UBE2R2: variants seen among roughly 807,000 people sequenced by gnomAD.
UBE2R2 encodes ubiquitin-conjugating enzyme E2 R2.
UBE2R2 carries 1 observed loss-of-function variant against 27.8 expected under a neutral mutation model. That is an observed-to-expected ratio of 0.04 (90% CI 0.01 to 0.17). UBE2R2 has a LOEUF of 0.17. Ranked by LOEUF, UBE2R2 falls within the 10% of genes least tolerant of loss-of-function variation. UBE2R2 has a pLI of 1.00. For missense variants in UBE2R2, 100 were observed against 291.0 expected (o/e 0.34, Z 4.78); for synonymous variants, 106 against 113.3 (o/e 0.94, Z 0.41).
intron 1 of UBE2R2, among the ~76,000 whole-genome samples, chr9:33,851,333 T>C (rs2130753709): frequency 6.6e-6 from 1 of 152,322 alleles, no homozygotes; most frequent in Middle Eastern, 3.4e-3. Flanking sequence ...ATAATTATTA[T>C]CAACAATTAT....
intron 4 of UBE2R2, among the ~76,000 whole-genome samples, chr9:33,913,823 G>C (rs1822562009): frequency 6.6e-6 from 1 of 152,150 alleles, no homozygotes; most frequent in South Asian, 2.1e-4. Flanking sequence ...CTAAACAATA[G>C]CTGTCTTTTA....
At chr9:33,879,750 CTTTT>C (rs66929161) in intron 1 of UBE2R2, among the ~76,000 whole-genome samples, 6 of 67,374 alleles carry the variant, frequency 8.9e-5, no homozygotes, top group African/African-American at 1.7e-4. Flanking sequence ...GGTCACAAGA[CTTTT>C]TTTTTTTTTT....
intron 2 of UBE2R2, among the ~76,000 whole-genome samples, chr9:33,894,264 C>T (rs1261399862): frequency 6.6e-6 from 1 of 151,884 alleles, no homozygotes; most frequent in Non-Finnish European, 1.5e-5. Flanking sequence ...AGATCCCCAT[C>T]TCTATATTTA....
intron 1 of UBE2R2, among the ~76,000 whole-genome samples, chr9:33,826,915 T>C (rs1820326957): frequency 6.6e-6 from 1 of 151,950 alleles, no homozygotes. Flanking sequence ...AAACCCCACA[T>C]CTACTGAAAA....
upstream of UBE2R2, among the ~76,000 whole-genome samples, chr9:33,816,070 T>A (rs1408384883): frequency 1.3e-5 from 2 of 152,080 alleles, no homozygotes; most frequent in African/African-American, 4.8e-5. Context: ...CAAGACCCTG[T>A]CTCAAACAAA....
rs749987839 is a variant in UBE2R2 at position 33,897,024 on chromosome 9, A to ATTTT, written c.265-3123_265-3120dup. 6.1e-3 allele frequency among the ~76,000 whole-genome samples: 249 copies of ATTTT among 40,656 alleles called. 84 individuals are homozygous for ATTTT. The highest frequency in any genetic ancestry group is 0.02 in the East Asian group (21 of 1,040). The allele number at this position is 40,656 out of a possible 152,430, so 26.7% of individuals were successfully genotyped here. On this transcript the variant is annotated intron_variant, in intron 2 of 4. Coordinates refer to ENST00000263228, the MANE Select transcript of UBE2R2 (RefSeq NM_017811.4). ...CCAAGTAGCATACTTCTGTGGCCTA[A>ATTTT]TTTTTTTTTTTTTTTTTTTTTTTTT...
intron 3 of UBE2R2, among the ~76,000 whole-genome samples, chr9:33,904,630 C>G (rs900098772): frequency 6.6e-6 from 1 of 152,198 alleles, no homozygotes; most frequent in African/African-American, 2.4e-5. Context: ...ATTATCAGAT[C>G]TGGTGAGTAG....
intron 1 of UBE2R2, among the ~76,000 whole-genome samples, chr9:33,873,950 ATT>A (rs11321860): frequency 0.024 from 3,496 of 143,986 alleles, 85 homozygotes; most frequent in East Asian, 0.09. Flanking sequence ...CCTGGCCTAA[ATT>A]TTTTTTTTTT....
In UBE2R2 at chr9:33,909,403, G is replaced by A. The variant is rs776649174; in HGVS notation, c.363-2561G>A. 5.3e-5 allele frequency among the ~76,000 whole-genome samples: 8 copies of A among 152,140 alleles called. No homozygotes were observed. The South Asian group carries it at 6.2e-4, about 12-fold the overall frequency. ...CTTGGGAGGCTGAGGCAGGGAAATC[G>A]CTTGAACCCGGGAGGCGGAGGTTGC... On this transcript the variant is annotated intron_variant, in intron 3 of 4. Coordinates refer to ENST00000263228, the MANE Select transcript of UBE2R2 (RefSeq NM_017811.4).
intron 3 of UBE2R2, among the ~76,000 whole-genome samples, chr9:33,900,673 T>C (rs1239379257): frequency 6.6e-6 from 1 of 152,136 alleles, no homozygotes; most frequent in Admixed American, 6.6e-5. Context: ...CTGTCGTTGT[T>C]TTGCTCCAAA....
At chr9:33,822,839 T>G (rs1013860925) in intron 1 of UBE2R2, among the ~76,000 whole-genome samples, 7 of 152,030 alleles carry the variant, frequency 4.6e-5, no homozygotes, top group Admixed American at 3.3e-4. Flanking sequence ...CAAACCAGAC[T>G]TAGCCTAGAT....
At chr9:33,903,199 A>G (rs946232057) in intron 3 of UBE2R2, among the ~76,000 whole-genome samples, 16 of 152,206 alleles carry the variant, frequency 1.1e-4, no homozygotes, top group African/African-American at 3.1e-4. Context: ...TTATTTTGAC[A>G]TTATAATTAG....
intron 2 of UBE2R2, among the ~76,000 whole-genome samples, chr9:33,895,386 C>G (rs765346196): frequency 9.2e-5 from 14 of 152,106 alleles, no homozygotes; most frequent in Admixed American, 7.9e-4. Flanking sequence ...TCTGGACTCT[C>G]AATTGTAAAT....
intron 1 of UBE2R2, among the ~76,000 whole-genome samples, chr9:33,861,682 G>A (rs1000321428): frequency 3.3e-5 from 5 of 151,848 alleles, no homozygotes; most frequent in Non-Finnish European, 7.4e-5. Flanking sequence ...AATTTTAAAG[G>A]GTTTATTTTG....
rs1563982130 is a variant in UBE2R2, at chr9:33,831,940, C to CACAACACCCAGCG, written c.177+14006_177+14007insACAACACCCAGCG. On this transcript the variant is annotated intron_variant, in intron 1 of 4. Transcript: ENST00000263228. ...CCTCCCAAAGTGCTGGGATTACTGG[C>CACAACACCCAGCG]GTGTGCCACCGCGCCCGACCTGTGA... 9.1e-3 allele frequency among the ~76,000 whole-genome samples: 1,380 copies of CACAACACCCAGCG among 151,878 alleles called. 22 individuals carry two copies. The highest frequency in any genetic ancestry group is 0.031 in the African/African-American group (1,298 of 41,476).
chr9:33,843,736 G>C (rs1820781257), intron 1 of UBE2R2, among the ~76,000 whole-genome samples: 1 of 151,758 alleles, frequency 6.6e-6, no homozygotes, highest in Non-Finnish European at 1.5e-5. Context: ...TGGCCTCTCA[G>C]AGTGCTGGGA....
intron 2 of UBE2R2, among the ~76,000 whole-genome samples, chr9:33,899,385 G>GT (rs974723514): frequency 1.9e-4 from 28 of 147,840 alleles, no homozygotes; most frequent in Admixed American, 1.3e-3. Flanking sequence ...TTTTGTTTTT[G>GT]TTTTTTTGAG....
chr9:33,817,231 C>T lies in UBE2R2; in HGVS notation c.-527C>T, dbSNP rs1203713198. On this transcript the variant is annotated 5_prime_UTR_variant, in exon 1 of 5. Transcript: ENST00000263228. ...CTCCTCCTCCGCCGTCGCCCCTCCCCCCGCGCAGCCCCCGCCGCCACCGCC... is the reference window on the plus strand; with the variant it reads ...CTCCTCCTCCGCCGTCGCCCCTCCCTCCGCGCAGCCCCCGCCGCCACCGCC... Among the ~76,000 whole-genome samples the T allele has an allele frequency of 6.7e-6, 1 of 150,166 alleles. No individual in the cohort carries two copies. Among genetic ancestry groups the T allele is most frequent in the Non-Finnish European group, 1.5e-5 (1 of 67,174 alleles).
intron 1 of UBE2R2, among the ~76,000 whole-genome samples, chr9:33,877,827 C>CTGTCTGTCTCTCTT (rs1563997770): frequency 1.2e-5 from 1 of 82,982 alleles, no homozygotes; most frequent in South Asian, 4.2e-4. Flanking sequence ...CTGTCTGTCT[C>CTGTCTGTCTCTCTT]TCTCTCTCTC....
Sources: allele counts gnomAD v4.1 joint callset (sites outside exome capture counted in the v4.1 genomes callset), GRCh38; gene constraint gnomAD v4.1.1; transcripts MANE v1.5; gene names NCBI Gene and HGNC (gene_info 2026-07-23, HGNC 2026-07-21).